Variants in COL5A1 observed in about 807,000 individuals in gnomAD.
The protein encoded by COL5A1 is collagen type V alpha 1 chain.
In COL5A1, 16 loss-of-function variants were observed where a neutral mutation model predicts 263.7. The observed-to-expected ratio is 0.06, with a 90% CI of 0.04 to 0.09. The LOEUF is 0.09. Ranked by LOEUF, COL5A1 falls within the 10% of genes least tolerant of loss-of-function variation. The pLI, the probability that COL5A1 is intolerant of heterozygous loss-of-function variation, is 1.00. For synonymous variants in COL5A1, 1,012 were observed against 1,004.5 expected, an observed-to-expected ratio of 1.01 and a Z score of -0.14; for missense variants, 2,036 against 2,540.5, an observed-to-expected ratio of 0.80 and a Z score of 4.27.
At chr9:134,812,856 G>A (rs1838590228) in intron 48 of COL5A1, 144 bp downstream of exon 48, 1 of 712,066 alleles carries the variant, frequency 1.4e-6, no homozygotes, top group Non-Finnish European at 2.6e-6. Context: ...ACCTCTCTGT[G>A]TGTACACAGA....
chr9:134,808,811 C>T (rs1386703421), intron 42 of COL5A1: 1 of 335,094 alleles, frequency 3.0e-6, no homozygotes, highest in African/African-American at 2.1e-5. Context: ...TCAGGCTATC[C>T]TGGTGACTGG....
chr9:134,641,818 C>G lies in COL5A1; in HGVS notation c.-370C>G. 1 of 387,362 alleles carries G rather than the reference C, an allele frequency of 2.6e-6. No homozygotes were observed. Among genetic ancestry groups the G allele is most frequent in the Non-Finnish European group, 4.6e-6 (1 of 219,062 alleles). The allele number at this position is 387,362 out of a possible 1,614,324, so 24.0% of individuals were successfully genotyped here. On this transcript the variant is annotated 5_prime_UTR_variant, in exon 1 of 66. Transcript: ENST00000371817. ...CGAAGGCGAGGTCCGCACTCTCCGT[C>G]CCCGCGGCTGGCGCAGGACCTCACT... is the stretch of plus-strand genomic sequence containing the variant.
In COL5A1 at chr9:134,780,882, T is replaced by G. The variant is rs536102273; in HGVS notation, c.2430+736T>G. ...CAGGGGCGGCCTCACCGTGCCACCC[T>G]CCCCACCGTGGCCTCACGCTCTGTT... On this transcript the variant is annotated intron_variant, in intron 28 of 65. Coordinates refer to ENST00000371817, the MANE Select transcript of COL5A1 (RefSeq NM_000093.5). Among the ~76,000 whole-genome samples the G allele has an allele frequency of 1.0e-3, 155 of 152,336 alleles. 1 individual carries two copies. Among genetic ancestry groups the G allele is most frequent in the African/African-American group, 3.4e-3 (140 of 41,584 alleles).
chr9:134,643,632 C>G (rs979604449), intron 1 of COL5A1, among the ~76,000 whole-genome samples: 1 of 152,014 alleles, frequency 6.6e-6, no homozygotes, highest in Non-Finnish European at 1.5e-5. Context: ...ATCCCTGGGC[C>G]GCCACCAACT....
chr9:134,804,930 T>C (rs761576773), intron 39 of COL5A1, 45 bp from the exon 40 acceptor site: 23 of 1,548,324 alleles, frequency 1.5e-5, no homozygotes, highest in Non-Finnish European at 2.1e-5. Context: ...GTGAGAGGTC[T>C]GCGTCACTGG....
chr9:134,831,904 C>T (rs892777412), intron 64 of COL5A1, among the ~76,000 whole-genome samples: 3 of 152,260 alleles, frequency 2.0e-5, no homozygotes, highest in South Asian at 2.1e-4. Context: ...GATCTTTCCA[C>T]GGCCTTATTT....
intron 4 of COL5A1, chr9:134,709,145 G>A (rs1236738259): frequency 2.2e-5 from 8 of 356,902 alleles, no homozygotes; most frequent in South Asian, 1.0e-4. Flanking sequence ...CCCATCCCTC[G>A]GGGCCATGAT....
At chr9:134,784,526 C>T (rs1238578167) in intron 29 of COL5A1, among the ~76,000 whole-genome samples, 2 of 152,240 alleles carry the variant, frequency 1.3e-5, no homozygotes, top group Non-Finnish European at 2.9e-5. Flanking sequence ...CCCGTGTGCT[C>T]GTTATGCCCA....
Position 134,768,287 on chromosome 9 carries a change from T to C in COL5A1, c.2233-123T>C, listed in dbSNP as rs137997707. The C allele has an allele frequency of 3.7e-4, 342 of 932,744 alleles. 2 individuals are homozygous for C. The African/African-American group carries it at 5.1e-3, about 14-fold the overall frequency. The allele number at this position is 932,744 out of a possible 1,614,324, so 57.8% of individuals were successfully genotyped here. A position where few individuals can be genotyped will look rare whatever the true frequency, so the allele number is the denominator to read the frequency against. ...CTCACAGCCAGGGACCCAGTGCCTCTGACCACACTTCTCAGCAAATGCTGT... is the reference window on the plus strand; with the variant it reads ...CTCACAGCCAGGGACCCAGTGCCTCCGACCACACTTCTCAGCAAATGCTGT... On this transcript the variant is annotated intron_variant, in intron 24 of 65. Coordinates refer to ENST00000371817, the MANE Select transcript of COL5A1 (RefSeq NM_000093.5).
chr9:134,741,178 G>C lies in COL5A1; in HGVS notation c.1494+2370G>C, dbSNP rs995956982. On this transcript the variant is annotated intron_variant, in intron 11 of 65. Transcript: ENST00000371817. This position sits in a 1 kb window ranked among gnomAD's most constrained non-coding sequence, Gnocchi z 4.5. ...GGTGAGGCCCTGCAGTGCAGCCTGC[G>C]GTGGGCCGGGCTCAGGTGCCTGTGC... 1.3e-5 allele frequency among the ~76,000 whole-genome samples: 2 copies of C among 152,246 alleles called. No homozygotes were observed. The highest frequency in any genetic ancestry group is 2.9e-5 in the Non-Finnish European group (2 of 68,052).
At chr9:134,786,140 G>C (rs893320576) in intron 31 of COL5A1, 92 bp downstream of exon 31, 2 of 1,185,202 alleles carry the variant, frequency 1.7e-6, no homozygotes, top group Admixed American at 2.0e-5. Context: ...TAGGTGTCCC[G>C]GCACAGGTGG....
chr9:134,839,606 G>T (rs1020586169), intron 65 of COL5A1, among the ~76,000 whole-genome samples: 1 of 152,324 alleles, frequency 6.6e-6, no homozygotes, highest in Non-Finnish European at 1.5e-5. Context: ...CCAGGACAGC[G>T]CCACCTTGCA....
intron 4 of COL5A1, among the ~76,000 whole-genome samples, chr9:134,705,886 G>A (rs1456472034): frequency 2.6e-5 from 4 of 152,352 alleles, no homozygotes; most frequent in African/African-American, 4.8e-5. Context: ...GGATGGAGCC[G>A]CTGAGAGGTC....
rs1831421895 is a variant in COL5A1 at position 134,644,756 on chromosome 9, G to A, written c.109+2460G>A. ...TGGGGCTGCTGAACAGTGTAACGGGGAAGGAGAGTATGGGAAATGAAACAT... is the reference window on the plus strand; with the variant it reads ...TGGGGCTGCTGAACAGTGTAACGGGAAAGGAGAGTATGGGAAATGAAACAT... On this transcript the variant is annotated intron_variant, in intron 1 of 65. Transcript: ENST00000371817. Among the ~76,000 whole-genome samples, 3 of 152,322 alleles carry A rather than the reference G, an allele frequency of 2.0e-5. No individual in the cohort carries two copies. In the South Asian group the frequency reaches 6.2e-4, roughly 32 times the overall value.
chr9:134,770,861 T>G (rs1325709846), intron 25 of COL5A1, among the ~76,000 whole-genome samples: 3 of 152,256 alleles, frequency 2.0e-5, no homozygotes, highest in Admixed American at 6.5e-5. Context: ...TCTTGTTACG[T>G]TTCCTTTCTG....
intron 32 of COL5A1, among the ~76,000 whole-genome samples, chr9:134,792,867 G>A (rs572585640): frequency 4.4e-4 from 14 of 31,930 alleles, no homozygotes; most frequent in African/African-American, 1.2e-3. Context: ...GTGTGTGTGC[G>A]CGCGTTTGTG....
At chr9:134,668,321 A>T (rs1832419548) in intron 1 of COL5A1, among the ~76,000 whole-genome samples, 1 of 152,188 alleles carries the variant, frequency 6.6e-6, no homozygotes, top group African/African-American at 2.4e-5. Flanking sequence ...GGTCTAGGAG[A>T]TGAATAGGAA....
intron 19 of COL5A1, 142 bp from the exon 20 acceptor site, chr9:134,763,551 C>T (rs1836546932): frequency 5.8e-6 from 5 of 860,772 alleles, no homozygotes; most frequent in Non-Finnish European, 9.9e-6. Context: ...CATTCCAGGC[C>T]TTTCCGGCTG....
chr9:134,799,597 T>C (rs1838036433), intron 37 of COL5A1, among the ~76,000 whole-genome samples: 1 of 152,220 alleles, frequency 6.6e-6, no homozygotes, highest in African/African-American at 2.4e-5. Context: ...GGAATGGGTC[T>C]CTGAGTGCCC....
Sources: gnomAD v4.1 joint callset for allele counts (sites outside exome capture counted in the v4.1 genomes callset) on GRCh38, gnomAD v4.1.1 for gene constraint, Gnocchi (gnomAD v3.1) non-coding constraint, MANE v1.5 for transcripts, NCBI Gene and HGNC (gene_info 2026-07-23, HGNC 2026-07-21) for gene names.